Variants in GRM8 observed in about 807,000 individuals in gnomAD.
GRM8 encodes the protein metabotropic glutamate receptor 8.
In GRM8, 47 loss-of-function variants were observed where a neutral mutation model predicts 87.2. The observed-to-expected ratio is 0.54, with a 90% CI of 0.43 to 0.69. GRM8 has a LOEUF of 0.69. Among genes scored for constraint, GRM8 ranks in the 30% least tolerant of loss-of-function variants. The pLI is 0.00. For synonymous variants in GRM8, 396 were observed against 404.5 expected, an observed-to-expected ratio of 0.98 and a Z score of 0.25; for missense variants, 1,019 against 1,139.2, an observed-to-expected ratio of 0.89 and a Z score of 1.52.
At chr7:126,595,570 G>A (rs529589210) in intron 8 of GRM8, among the ~76,000 whole-genome samples, 1 of 151,822 alleles carries the variant, frequency 6.6e-6, no homozygotes, top group Admixed American at 6.6e-5. Flanking sequence ...CCTGGTCCAG[G>A]TTTGTTATAC....
At chr7:126,763,148 G>A (rs1309809975) in intron 7 of GRM8, among the ~76,000 whole-genome samples, 2 of 149,444 alleles carry the variant, frequency 1.3e-5, no homozygotes. Flanking sequence ...TTTGAATTAT[G>A]TTCATGATAA....
intron 3 of GRM8, among the ~76,000 whole-genome samples, chr7:126,970,746 G>A (rs551701932): frequency 1.6e-4 from 24 of 152,202 alleles, no homozygotes; most frequent in African/African-American, 5.8e-4. Context: ...CTTTCGACCT[G>A]CTTTCCTCAC....
intron 9 of GRM8, among the ~76,000 whole-genome samples, chr7:126,495,809 A>C (rs1302124279): frequency 6.6e-6 from 1 of 152,016 alleles, no homozygotes; most frequent in East Asian, 1.9e-4. Flanking sequence ...GCACATATTT[A>C]AATATGCATA....
intron 6 of GRM8, among the ~76,000 whole-genome samples, chr7:126,796,587 T>C (rs2151692214): frequency 6.6e-6 from 1 of 152,064 alleles, no homozygotes; most frequent in East Asian, 1.9e-4. Context: ...TGATTTAGTG[T>C]TTACACACTA....
At chr7:127,229,972 G>A (rs558302494) in intron 2 of GRM8, 48 of 152,238 alleles carry the variant, frequency 3.2e-4, no homozygotes, top group African/African-American at 9.1e-4. Flanking sequence ...AATGATAACC[G>A]TGTAAACAGT....
chr7:126,974,112 A>G (rs895546595), intron 3 of GRM8, among the ~76,000 whole-genome samples: 5 of 152,192 alleles, frequency 3.3e-5, no homozygotes, highest in Non-Finnish European at 7.4e-5. Context: ...AATAAAAATT[A>G]CTTTTAGGCT....
chr7:126,531,401 A>T (rs986867368), intron 9 of GRM8, among the ~76,000 whole-genome samples: 3 of 152,240 alleles, frequency 2.0e-5, no homozygotes, highest in African/African-American at 7.2e-5. Context: ...GCTAAGAAAG[A>T]AAAAGGAATT....
At chr7:127,193,313 C>T (rs1224108362) in intron 2 of GRM8, among the ~76,000 whole-genome samples, 1 of 152,188 alleles carries the variant, frequency 6.6e-6, no homozygotes, top group Non-Finnish European at 1.5e-5. Context: ...TAACCTCCAT[C>T]AATGTCCAAT....
Position 126,695,606 on chromosome 7 carries a change from C to T in GRM8, c.1357+74259G>A, listed in dbSNP as rs555899741. The stretch of plus-strand genomic sequence containing the variant: ...CCTATTTACCTCCCTGCAAGTATTT[C>T]AGCAAAGGTCTTAATTGGTCAGTGA... On this transcript the variant is annotated intron_variant, in intron 7 of 10. Transcript: ENST00000339582. Among the ~76,000 whole-genome samples the T allele has an allele frequency of 2.0e-5, 3 of 152,260 alleles. No homozygotes were observed. In the South Asian group the frequency reaches 6.2e-4, roughly 32 times the overall value.
intron 2 of GRM8, among the ~76,000 whole-genome samples, chr7:127,163,438 C>T (rs935260915): frequency 5.3e-5 from 8 of 152,350 alleles, no homozygotes; most frequent in Admixed American, 3.9e-4. Flanking sequence ...CAAATACAAC[C>T]TCCATGGGTT....
At chr7:126,698,039 T>C (rs1425634482) in intron 7 of GRM8, among the ~76,000 whole-genome samples, 1 of 152,152 alleles carries the variant, frequency 6.6e-6, no homozygotes, top group East Asian at 1.9e-4. Flanking sequence ...CTTTACATAC[T>C]CCTATTGTCT....
chr7:126,803,837 A>G (rs1792367628), intron 6 of GRM8, among the ~76,000 whole-genome samples: 1 of 152,242 alleles, frequency 6.6e-6, no homozygotes, highest in South Asian at 2.1e-4. Flanking sequence ...CATAGTGTTA[A>G]GGATACACCT....
intron 3 of GRM8, among the ~76,000 whole-genome samples, chr7:126,950,572 A>T (rs1412000497): frequency 6.6e-6 from 1 of 152,132 alleles, no homozygotes; most frequent in Non-Finnish European, 1.5e-5. Context: ...GTGTATATAA[A>T]CCAAAGCATC....
At chr7:126,641,735 C>T (rs1047970975) in intron 7 of GRM8, among the ~76,000 whole-genome samples, 3 of 152,080 alleles carry the variant, frequency 2.0e-5, no homozygotes, top group Non-Finnish European at 2.9e-5. Context: ...ATCCACAGGC[C>T]TCTTTCTACA....
chr7:126,518,532 T>C (rs925418654), intron 9 of GRM8, among the ~76,000 whole-genome samples: 3 of 152,072 alleles, frequency 2.0e-5, no homozygotes, highest in Non-Finnish European at 4.4e-5. Context: ...CATAAACATA[T>C]GGTTATCAAT....
chr7:126,535,657 G>T (rs1254339301), intron 8 of GRM8, among the ~76,000 whole-genome samples: 1 of 152,186 alleles, frequency 6.6e-6, no homozygotes, highest in Non-Finnish European at 1.5e-5. Flanking sequence ...ATGGAAAGAG[G>T]CTGTAACTGC....
Position 126,620,288 on chromosome 7 carries a change from TAAAAC to T in GRM8, c.1358-10795_1358-10791del, listed in dbSNP as rs1334429457. Among the ~76,000 whole-genome samples, 5 of 152,296 alleles carry T rather than the reference TAAAAC, an allele frequency of 3.3e-5. No homozygotes were observed. In the East Asian group the frequency reaches 9.7e-4, roughly 29 times the overall value. Reference sequence around the variant, plus strand: ...CAGGTGACAGAGCAAGATGCTGTCTTAAAACAAACTTTTCCATCCACATGTGCTAG... The same window carrying T: ...CAGGTGACAGAGCAAGATGCTGTCTTAAACTTTTCCATCCACATGTGCTAG... On this transcript the variant is annotated intron_variant, in intron 7 of 10. Transcript: ENST00000339582.
At chr7:127,185,779 T>C (rs1397773648) in intron 2 of GRM8, among the ~76,000 whole-genome samples, 2 of 152,138 alleles carry the variant, frequency 1.3e-5, no homozygotes, top group Admixed American at 6.5e-5. Flanking sequence ...ATCCAAGAAA[T>C]AGGTGATCCC....
chr7:126,829,338 A>C (rs1563227209), intron 6 of GRM8, among the ~76,000 whole-genome samples: 1 of 135,434 alleles, frequency 7.4e-6, no homozygotes, highest in Non-Finnish European at 1.6e-5. Flanking sequence ...TGGGAGTCTA[A>C]GTCTCTTTGT....
Sources: allele counts gnomAD v4.1 joint callset (sites outside exome capture counted in the v4.1 genomes callset), GRCh38; gene constraint gnomAD v4.1.1; transcripts MANE v1.5; gene names NCBI Gene and HGNC (gene_info 2026-07-23, HGNC 2026-07-21).